The following PLVAP variants were observed in gnomAD, a reference collection of about 807,000 sequenced individuals.
PLVAP encodes plasmalemma vesicle associated protein.
A neutral mutation model predicts 43.1 loss-of-function variants in PLVAP; 34 were observed. The observed-to-expected ratio is 0.79, with a 90% CI of 0.60 to 1.05. PLVAP has a LOEUF of 1.05. PLVAP is among the 50% of genes least tolerant of loss of function. PLVAP has a pLI of 0.00. For missense variants in PLVAP, 574 were observed against 593.4 expected (o/e 0.97, Z 0.34); for synonymous variants, 241 against 237.3 (o/e 1.02, Z -0.14).
chr19:17,363,781 C>G (rs1237757661), intron 3 of PLVAP, among the ~76,000 whole-genome samples: 1 of 143,514 alleles, frequency 7.0e-6, no homozygotes, highest in Non-Finnish European at 1.5e-5. Context: ...TTTGCTCTGT[C>G]ACCCAGGCTG....
At chr19:17,368,910 G>A (rs574306586) in intron 1 of PLVAP, among the ~76,000 whole-genome samples, 4 of 152,240 alleles carry the variant, frequency 2.6e-5, no homozygotes, top group East Asian at 1.9e-4. Context: ...TCGGGGAGGC[G>A]GAGGTTGCAG....
chr19:17,366,628 CTT>C (rs11459938), intron 1 of PLVAP, among the ~76,000 whole-genome samples: 8 of 144,282 alleles, frequency 5.5e-5, no homozygotes, highest in Non-Finnish European at 3.0e-5. Flanking sequence ...AACTGAATTT[CTT>C]TTTTTTTTTT....
intron 1 of PLVAP, among the ~76,000 whole-genome samples, chr19:17,370,598 T>C (rs768760643): frequency 4.7e-4 from 71 of 151,950 alleles, no homozygotes; most frequent in Non-Finnish European, 9.0e-4. Flanking sequence ...GGCAAATCCA[T>C]AGAGACAGGA....
At chr19:17,372,534 G>A (rs1243223910) in intron 1 of PLVAP, among the ~76,000 whole-genome samples, 1 of 149,674 alleles carries the variant, frequency 6.7e-6, no homozygotes, top group Non-Finnish European at 1.5e-5. Flanking sequence ...TCGGCTCACT[G>A]CAAGCTCCGC....
At chr19:17,375,880 C>CAAAA (rs35375080) in intron 1 of PLVAP, among the ~76,000 whole-genome samples, 3 of 132,814 alleles carry the variant, frequency 2.3e-5, no homozygotes, top group Non-Finnish European at 3.2e-5. Context: ...GACTCCGTCT[C>CAAAA]AAAAAAAAAA....
intron 1 of PLVAP, among the ~76,000 whole-genome samples, chr19:17,376,043 A>G (rs573500537): frequency 6.6e-6 from 1 of 151,750 alleles, no homozygotes; most frequent in East Asian, 1.9e-4. Context: ...ACCTGGGCAT[A>G]GTGGCATGTC....
At chr19:17,359,646 G>A (rs138537131) in intron 5 of PLVAP, among the ~76,000 whole-genome samples, 2 of 147,586 alleles carry the variant, frequency 1.4e-5, no homozygotes, top group East Asian at 2.0e-4. Flanking sequence ...CTCATGATCC[G>A]CCCACCTCGG....
At position 17,351,604 on chromosome 19, in the gene PLVAP, A is replaced by G. The variant is rs1246763304; in HGVS notation, c.*758T>C. The stretch of plus-strand genomic sequence containing the variant: ...CCCCGAGGGGGTCCTGGAAACACTC[A>G]CGCTCAAGGAGCGGAGGTGAATGGC... On this transcript the variant is annotated 3_prime_UTR_variant, in exon 6 of 6. Transcript: ENST00000252590. 6.6e-6 allele frequency: 1 copy of G among 152,154 alleles called. No individual in the cohort carries two copies. The highest frequency in any genetic ancestry group is 2.4e-5 in the African/African-American group (1 of 41,420). The allele number at this position is 152,154 out of a possible 1,614,324, so 9.4% of individuals were successfully genotyped here.
chr19:17,366,861 C>G (rs2074552343), intron 1 of PLVAP, among the ~76,000 whole-genome samples: 1 of 151,634 alleles, frequency 6.6e-6, no homozygotes, highest in African/African-American at 2.4e-5. Flanking sequence ...GTCTTGAACT[C>G]CTGATCTCAG....
Position 17,351,582 on chromosome 19 carries a change from C to G in PLVAP, c.*780G>C, listed in dbSNP as rs1340943822. ...GACCCTCACCCCCGGCTCAGGGCCC[C>G]GAGGGGGTCCTGGAAACACTCACGC... is the stretch of plus-strand genomic sequence containing the variant. On this transcript the variant is annotated 3_prime_UTR_variant, in exon 6 of 6. Transcript: ENST00000252590. 2 of 152,270 alleles carry G rather than the reference C, an allele frequency of 1.3e-5. No homozygotes were observed. The highest frequency in any genetic ancestry group is 1.3e-4 in the Admixed American group (2 of 15,280). 9.4% of individuals were successfully genotyped at this position (152,270 alleles called of 1,614,324 possible).
intron 5 of PLVAP, among the ~76,000 whole-genome samples, chr19:17,360,278 T>A (rs1267957703): frequency 6.6e-6 from 1 of 152,190 alleles, no homozygotes; most frequent in Non-Finnish European, 1.5e-5. Context: ...GCCTAATAAT[T>A]GTAGGCTCTT....
At chr19:17,363,421 C>A (rs1304266060) in intron 3 of PLVAP, among the ~76,000 whole-genome samples, 3 of 152,180 alleles carry the variant, frequency 2.0e-5, no homozygotes, top group Non-Finnish European at 4.4e-5. Flanking sequence ...CCCACATTGG[C>A]CTCCCAAAGT....
Position 17,360,943 on chromosome 19 carries a change from T to C in PLVAP, c.1180-111A>G, listed in dbSNP as rs2074526168. 6.0e-6 allele frequency: 6 copies of C among 1,000,600 alleles called. No homozygotes were observed. The South Asian group carries it at 8.5e-5, about 14-fold the overall frequency. The allele number at this position is 1,000,600 out of a possible 1,614,324, so 62.0% of individuals were successfully genotyped here. On this transcript the variant is annotated intron_variant, in intron 3 of 5. Coordinates refer to ENST00000252590, the MANE Select transcript of PLVAP (RefSeq NM_031310.3). ...TTTTTTTTTTTTTTGAGACGGAGTTTCGCTCTTGTTGCCCAGGCTGGAGTG... is the reference window on the plus strand; with the variant it reads ...TTTTTTTTTTTTTTGAGACGGAGTTCCGCTCTTGTTGCCCAGGCTGGAGTG...
chr19:17,359,467 G>A (rs1388257166), intron 5 of PLVAP, among the ~76,000 whole-genome samples: 2 of 137,678 alleles, frequency 1.5e-5, no homozygotes, highest in East Asian at 2.2e-4. Flanking sequence ...GTGCAATGGT[G>A]TCATCTCGGC....
chr19:17,355,225 A>AAATAATAATAATAATAATAAT (rs150379358), intron 5 of PLVAP, among the ~76,000 whole-genome samples: 2 of 139,548 alleles, frequency 1.4e-5, no homozygotes, highest in Non-Finnish European at 3.1e-5. Context: ...CTCCATCTCA[A>AAATAATAATAATAATAATAAT]AATAATAATA....
intron 3 of PLVAP, among the ~76,000 whole-genome samples, chr19:17,363,892 G>T (rs536871496): frequency 6.6e-6 from 1 of 151,696 alleles, no homozygotes; most frequent in East Asian, 1.9e-4. Context: ...ACAGGCGCCC[G>T]CCACCACACC....
chr19:17,361,918 A>AT (rs1387929498), intron 3 of PLVAP, among the ~76,000 whole-genome samples: 3 of 100,520 alleles, frequency 3.0e-5, no homozygotes, highest in Non-Finnish European at 6.1e-5. Flanking sequence ...AAAAATAAAA[A>AT]AAAATAAAAA....
intron 3 of PLVAP, chr19:17,362,476 C>T (rs986217579): frequency 6.6e-6 from 1 of 152,484 alleles, no homozygotes; most frequent in South Asian, 2.1e-4. Flanking sequence ...CCCACTCAAC[C>T]TTCCACCAGT....
intron 4 of PLVAP, 70 bp downstream of exon 4, chr19:17,360,701 AG>A: frequency 1.3e-6 from 2 of 1,579,500 alleles, no homozygotes; most frequent in East Asian, 4.5e-5. Context: ...GGAGTGGGAA[AG>A]TGGGGCTGGG....
Sources: gnomAD v4.1 joint callset for allele counts (sites outside exome capture counted in the v4.1 genomes callset) on GRCh38, gnomAD v4.1.1 for gene constraint, MANE v1.5 for transcripts, NCBI Gene and HGNC (gene_info 2026-07-23, HGNC 2026-07-21) for gene names.